GRM8: variants seen among roughly 807,000 people sequenced by gnomAD.
GRM8 encodes the protein glutamate metabotropic receptor 8, also known as metabotropic glutamate receptor 8.
In GRM8, 47 loss-of-function variants were observed where a neutral mutation model predicts 87.2. The observed-to-expected ratio is 0.54, with a 90% CI of 0.43 to 0.69. The LOEUF (loss-of-function observed/expected upper bound fraction) is 0.69. Ranked by LOEUF, GRM8 falls within the 30% of genes least tolerant of loss-of-function variation. The pLI, the probability that GRM8 is intolerant of heterozygous loss-of-function variation, is 0.00. For missense variants in GRM8, 1,019 were observed against 1,139.2 expected, an observed-to-expected ratio of 0.89 and a Z score of 1.52; for synonymous variants, 396 against 404.5, an observed-to-expected ratio of 0.98 and a Z score of 0.25.
At chr7:127,005,241 T>C (rs1414793001) in intron 3 of GRM8, among the ~76,000 whole-genome samples, 4 of 151,406 alleles carry the variant, frequency 2.6e-5, no homozygotes, top group Non-Finnish European at 5.9e-5. Context: ...TACATTCTGC[T>C]CTACAAGAGC....
intron 7 of GRM8, among the ~76,000 whole-genome samples, chr7:126,702,970 C>T (rs149570011): frequency 6.4e-4 from 98 of 151,964 alleles, no homozygotes; most frequent in African/African-American, 8.4e-4. Flanking sequence ...AGACTTGGCA[C>T]GTTCAAGCCA....
At chr7:127,155,858 T>C (rs1293309948) in intron 2 of GRM8, among the ~76,000 whole-genome samples, 1 of 152,112 alleles carries the variant, frequency 6.6e-6, no homozygotes, top group Non-Finnish European at 1.5e-5. Flanking sequence ...TAGGGACCTG[T>C]GCTCATGGAA....
Position 126,586,744 on chromosome 7 carries a change from C to T in GRM8, c.1494+22618G>A, listed in dbSNP as rs1274062308. Among the ~76,000 whole-genome samples the T allele has an allele frequency of 3.9e-5, 6 of 152,254 alleles. No homozygotes were observed. The East Asian group carries it at 9.6e-4, about 24-fold the overall frequency. The stretch of plus-strand genomic sequence containing the variant: ...TAAAAACCCTAGAAGAAAACCTAGG[C>T]AATACCATTCAGGACATAGGCATGG... On this transcript the variant is annotated intron_variant, in intron 8 of 10. Transcript: ENST00000339582.
At chr7:126,439,774 T>C (rs1032108011) in intron 10 of GRM8, among the ~76,000 whole-genome samples, 1 of 150,622 alleles carries the variant, frequency 6.6e-6, no homozygotes, top group Non-Finnish European at 1.5e-5. Context: ...TGGAATAAGA[T>C]ATGGAGATGG....
chr7:126,558,804 C>T (rs1487392153), intron 8 of GRM8, among the ~76,000 whole-genome samples: 4 of 152,024 alleles, frequency 2.6e-5, no homozygotes, highest in South Asian at 4.1e-4. Flanking sequence ...ACCTAAATGG[C>T]CTGTACAAAG....
intron 3 of GRM8, among the ~76,000 whole-genome samples, chr7:127,050,044 T>A (rs540863531): frequency 2.0e-5 from 3 of 152,126 alleles, no homozygotes; most frequent in African/African-American, 4.8e-5. Context: ...GACAATGAGA[T>A]GCCACTTAGG....
intron 3 of GRM8, among the ~76,000 whole-genome samples, chr7:126,936,451 C>T (rs112875364): frequency 6.6e-6 from 1 of 152,106 alleles, no homozygotes; most frequent in African/African-American, 2.4e-5. Context: ...TGACTCCCCC[C>T]ACTATCCGCT....
chr7:126,642,650 T>A (rs1482945377), intron 7 of GRM8, among the ~76,000 whole-genome samples: 1 of 150,974 alleles, frequency 6.6e-6, no homozygotes, highest in Non-Finnish European at 1.5e-5. Flanking sequence ...AAAAAAATAA[T>A]AATAATAACA....
At chr7:126,800,729 G>A (rs974195538) in intron 6 of GRM8, among the ~76,000 whole-genome samples, 1 of 152,014 alleles carries the variant, frequency 6.6e-6, no homozygotes, top group African/African-American at 2.4e-5. Context: ...ATTAATTAAC[G>A]TTTAAAATAA....
chr7:126,453,365 C>T (rs768932888), intron 9 of GRM8, among the ~76,000 whole-genome samples: 3 of 151,642 alleles, frequency 2.0e-5, no homozygotes, highest in Non-Finnish European at 4.4e-5. Flanking sequence ...TTATCACATC[C>T]CCTTTCGGCT....
At chr7:126,454,178 T>C (rs1211736257) in intron 9 of GRM8, among the ~76,000 whole-genome samples, 2 of 151,834 alleles carry the variant, frequency 1.3e-5, no homozygotes, top group African/African-American at 4.8e-5. Context: ...ATCTCTGAAC[T>C]ATATTTTAAA....
intron 7 of GRM8, among the ~76,000 whole-genome samples, chr7:126,720,054 C>T (rs2151449712): frequency 6.6e-6 from 1 of 151,744 alleles, no homozygotes; most frequent in African/African-American, 2.4e-5. Context: ...TCTTACTTGT[C>T]ACTCCCTCCT....
At chr7:126,910,257 CATA>C (rs556372310) in intron 3 of GRM8, among the ~76,000 whole-genome samples, 136 of 152,278 alleles carry the variant, frequency 8.9e-4, no homozygotes, top group African/African-American at 3.2e-3. Flanking sequence ...CTGCAGCAAT[CATA>C]ATAATTTTAA....
intron 6 of GRM8, among the ~76,000 whole-genome samples, chr7:126,779,903 A>G (rs969070335): frequency 6.6e-6 from 1 of 152,192 alleles, no homozygotes; most frequent in Non-Finnish European, 1.5e-5. Context: ...TCTGCCTCCA[A>G]GTCTCTGAAT....
intron 2 of GRM8, among the ~76,000 whole-genome samples, chr7:127,110,767 C>T (rs1418230541): frequency 6.6e-6 from 1 of 152,176 alleles, no homozygotes; most frequent in Non-Finnish European, 1.5e-5. Flanking sequence ...CCAGAACAAA[C>T]ATTTCCTCTC....
intron 8 of GRM8, among the ~76,000 whole-genome samples, chr7:126,590,732 C>G (rs1395421545): frequency 6.6e-6 from 1 of 152,052 alleles, no homozygotes; most frequent in Non-Finnish European, 1.5e-5. Context: ...CCTACTTAAA[C>G]AAAACAATTA....
At chr7:127,129,901 C>T (rs1266223129) in intron 2 of GRM8, among the ~76,000 whole-genome samples, 4 of 152,064 alleles carry the variant, frequency 2.6e-5, no homozygotes, top group Non-Finnish European at 2.9e-5. Flanking sequence ...TCAGGAAGAA[C>T]GATATGGTTT....
chr7:127,213,453 A>G (rs1796341566), intron 2 of GRM8, among the ~76,000 whole-genome samples: 1 of 152,180 alleles, frequency 6.6e-6, no homozygotes. Flanking sequence ...TTAAATAAAA[A>G]CATACATATT....
chr7:126,613,922 CT>C (rs1157913037), intron 7 of GRM8, among the ~76,000 whole-genome samples: 1 of 152,212 alleles, frequency 6.6e-6, no homozygotes, highest in African/African-American at 2.4e-5. Flanking sequence ...TCAAGGAGGT[CT>C]GCCTGCCTCT....
Sources: allele counts gnomAD v4.1 joint callset (sites outside exome capture counted in the v4.1 genomes callset), GRCh38; gene constraint gnomAD v4.1.1; transcripts MANE v1.5; gene names NCBI Gene and HGNC (gene_info 2026-07-23, HGNC 2026-07-21).